Variants in GGA3 observed in about 807,000 individuals in gnomAD.
GGA3 encodes ADP-ribosylation factor-binding protein GGA3.
Under a neutral mutation model 77.5 loss-of-function variants are expected in GGA3, and 57 were observed. That is an observed-to-expected ratio of 0.74 (90% CI 0.59 to 0.92). The LOEUF (loss-of-function observed/expected upper bound fraction) is 0.92, where lower values mean the gene tolerates loss of function less well. GGA3 is among the 40% of genes least tolerant of loss of function. GGA3 has a pLI of 0.00. For synonymous variants in GGA3, 416 were observed against 383.7 expected, an observed-to-expected ratio of 1.08 and a Z score of -0.98; for missense variants, 970 against 914.9, an observed-to-expected ratio of 1.06 and a Z score of -0.78.
intron 13 of GGA3, 26 bp from the exon 14 acceptor site, chr17:75,239,597 A>C (rs369880431): frequency 6.5e-7 from 1 of 1,537,254 alleles, no homozygotes; most frequent in African/African-American, 1.4e-5. Flanking sequence ...GATGGAAAGC[A>C]CGTCAGAGAG....
intron 1 of GGA3, among the ~76,000 whole-genome samples, chr17:75,256,374 TTTG>T (rs1369186640): frequency 1.3e-5 from 2 of 152,168 alleles, no homozygotes; most frequent in African/African-American, 4.8e-5. Flanking sequence ...GTACTCACTC[TTTG>T]TTAAGTCCCA....
chr17:75,251,945 T>C (rs191479440), intron 1 of GGA3, among the ~76,000 whole-genome samples: 7 of 152,106 alleles, frequency 4.6e-5, no homozygotes, highest in Non-Finnish European at 8.8e-5. Context: ...TTTGTACTTT[T>C]GGTAGAGACA....
Position 75,237,970 on chromosome 17 carries a change from G to A in GGA3, c.*309C>T. On this transcript the variant is annotated 3_prime_UTR_variant, in exon 17 of 17. Coordinates refer to ENST00000537686, the MANE Select transcript of GGA3 (RefSeq NM_138619.4). ...CTTCAGTGAATGCCAGTAGAAGGAA[G>A]CAAACACCTACGCCAAGCCTGGGGG... 3 of 1,202,392 alleles carry A rather than the reference G, an allele frequency of 2.5e-6. No individual in the cohort carries two copies. The highest frequency in any genetic ancestry group is 3.1e-6 in the Non-Finnish European group (3 of 971,204). The allele number at this position is 1,202,392 out of a possible 1,614,324, so 74.5% of individuals were successfully genotyped here. A position where few individuals can be genotyped will look rare whatever the true frequency, so the allele number is the denominator to read the frequency against.
chr17:75,241,513 T>TC lies in GGA3; in HGVS notation c.832dup (p.Asp278GlyfsTer7). Reference sequence around the variant, plus strand: ...GAGGTTGTCACTGGCTTGCAGGATGTCCCCTGGAGCAGGAAAGAGAGACTT... The same window carrying TC: ...GAGGTTGTCACTGGCTTGCAGGATGTCCCCCTGGAGCAGGAAAGAGAGACTT... On this transcript the variant is annotated frameshift_variant, in exon 10 of 17. Coordinates refer to ENST00000537686, the MANE Select transcript of GGA3 (RefSeq NM_138619.4). LOFTEE classifies it high-confidence loss of function. 6.2e-7 allele frequency: 1 copy of TC among 1,611,620 alleles called. No homozygotes were observed. Among genetic ancestry groups the TC allele is most frequent in the Non-Finnish European group, 8.5e-7 (1 of 1,177,750 alleles).
At position 75,237,393 on chromosome 17, in the gene GGA3, CA is replaced by C. The variant is rs1455477089; in HGVS notation, c.*885del. 3.2e-6 allele frequency: 4 copies of C among 1,232,014 alleles called. No homozygotes were observed. Among genetic ancestry groups the C allele is most frequent in the Non-Finnish European group, 4.6e-6 (4 of 869,316 alleles). The allele number at this position is 1,232,014 out of a possible 1,614,324, so 76.3% of individuals were successfully genotyped here. A position where few individuals can be genotyped will look rare whatever the true frequency, so the allele number is the denominator to read the frequency against. On this transcript the variant is annotated 3_prime_UTR_variant, in exon 17 of 17. Transcript: ENST00000537686. ...CCATCTGGTGAGAGGAGAGGGAGGCCAAAGCAGTAGGATGTAGAGTGGCGGT... is the reference window on the plus strand; with the variant it reads ...CCATCTGGTGAGAGGAGAGGGAGGCCAAGCAGTAGGATGTAGAGTGGCGGT...
chr17:75,239,264 G>T, intron 14 of GGA3, 111 bp downstream of exon 14: 1 of 1,053,904 alleles, frequency 9.5e-7, no homozygotes, highest in Non-Finnish European at 1.4e-6. Flanking sequence ...GGCCTGCCTG[G>T]CTTTAAGGGA....
chr17:75,261,788 T>A, upstream of GGA3: 2 of 1,236,262 alleles, frequency 1.6e-6, no homozygotes, highest in Non-Finnish European at 2.3e-6. Context: ...AACGTCCAGA[T>A]CAGTGGAGAG....
At chr17:75,253,077 G>A (rs906718165) in intron 1 of GGA3, among the ~76,000 whole-genome samples, 12 of 152,230 alleles carry the variant, frequency 7.9e-5, no homozygotes, top group Middle Eastern at 3.4e-3. Context: ...CTCGGATCGC[G>A]GGACCTCCCT....
intron 13 of GGA3, 96 bp downstream of exon 13, chr17:75,239,693 G>A: frequency 6.7e-7 from 1 of 1,495,746 alleles, no homozygotes; most frequent in Non-Finnish European, 9.3e-7. Flanking sequence ...CTGACTGATG[G>A]GACTACAAGG....
intron 3 of GGA3, among the ~76,000 whole-genome samples, chr17:75,246,305 G>C (rs1424054345): frequency 6.6e-6 from 1 of 152,220 alleles, no homozygotes; most frequent in Non-Finnish European, 1.5e-5. Flanking sequence ...CGGCACTGCA[G>C]TCACCTCTGA....
At chr17:75,261,611 C>A, upstream of GGA3, 2 of 1,535,752 alleles carry the variant, frequency 1.3e-6, no homozygotes, top group South Asian at 1.2e-5. Context: ...GGCCCCGCGG[C>A]TTCAAAACTC....
chr17:75,243,977 C>G (rs961319528), intron 4 of GGA3, among the ~76,000 whole-genome samples: 3 of 152,264 alleles, frequency 2.0e-5, no homozygotes, highest in African/African-American at 7.2e-5. Flanking sequence ...GGTGCTCACC[C>G]CTGCTCTCTG....
At chr17:75,243,221 T>G (rs752783726) in intron 5 of GGA3, 55 bp from the exon 6 acceptor site, 4 of 1,338,422 alleles carry the variant, frequency 3.0e-6, no homozygotes, top group Non-Finnish European at 4.2e-6. Context: ...TTGTCACCCC[T>G]CCTCATACAC....
chr17:75,243,449 T>C lies in GGA3; in HGVS notation c.422A>G (p.Gln141Arg), dbSNP rs1440445130. 6.2e-7 allele frequency: 1 copy of C among 1,614,178 alleles called. No homozygotes were observed. Among genetic ancestry groups the C allele is most frequent in the Admixed American group, 1.7e-5 (1 of 60,024 alleles). The change falls in exon 5 of 17, where the codon CAG becomes CGG. Residue 141 changes from glutamine (Q) to arginine (R), a missense_variant and splice_region_variant. Physicochemically the swap from Gln to Arg is conservative, Grantham distance 43 (BLOSUM62 1). Coordinates refer to ENST00000537686, the MANE Select transcript of GGA3 (RefSeq NM_138619.4). ...IKDAYHMLKRQGIVQSDPPIP... is the reference protein window; with the variant it reads ...IKDAYHMLKRRGIVQSDPPIP... ...GCTGCGGGCAGGCAGACACGTACCCTGTCTCTTCAGCATGTGGTAGGCGTC... is the reference window on the plus strand; with the variant it reads ...GCTGCGGGCAGGCAGACACGTACCCCGTCTCTTCAGCATGTGGTAGGCGTC...
At chr17:75,240,485 A>AG in intron 11 of GGA3, 73 bp from the exon 12 acceptor site, 1 of 976,188 alleles carries the variant, frequency 1.0e-6, no homozygotes, top group East Asian at 2.5e-5. Context: ...TTGCCTGAGG[A>AG]GGGGTCAGGT....
At chr17:75,240,154 G>GGGGGGGGGGGGGGC in intron 12 of GGA3, 46 bp from the exon 13 acceptor site, 4 of 465,496 alleles carry the variant, frequency 8.6e-6, no homozygotes, top group East Asian at 5.6e-5. Context: ...GGTGGGGAGG[G>GGGGGGGGGGGGGGC]CCTGCCGCTG....
In GGA3 at chr17:75,243,121, A is replaced by ATCAG; in HGVS notation, c.466_469dup (p.Ile157ThrfsTer15). 1 of 1,613,256 alleles carries ATCAG rather than the reference A, an allele frequency of 6.2e-7. No homozygotes were observed. The highest frequency in any genetic ancestry group is 8.5e-7 in the Non-Finnish European group (1 of 1,179,690). ...TTTGGGACGAGGTGGTGGAGAGGGG[A>ATCAG]TCAGCGTCCTATCCACAGGAATTGG... On this transcript the variant is annotated frameshift_variant, in exon 6 of 17. Transcript: ENST00000537686. LOFTEE classifies it high-confidence loss of function.
At chr17:75,240,553 A>C (rs1598393160) in intron 11 of GGA3, 141 bp from the exon 12 acceptor site, 1 of 682,536 alleles carries the variant, frequency 1.5e-6, no homozygotes, top group South Asian at 1.8e-5. Context: ...GGCAGCCTCC[A>C]GAGGGGAATG....
rs768776178 is a variant in GGA3, at chr17:75,243,075, C to A, written c.516G>T (p.Glu172Asp). The change falls in exon 6 of 17, where the codon GAG becomes GAT. Residue 172 changes from glutamate to aspartate, a missense_variant. Physicochemically the swap from Glu to Asp is conservative, Grantham distance 45. Transcript: ENST00000537686. ...GGGTGTCCTTTACCTTGGACTTCTC[C>A]TCATCATCAAAAACAGGGTTTTTGG... ...PRPKNPVFDD[E>D]EKSKLLAKLL... is the part of the protein sequence containing the mutation. The A allele has an allele frequency of 1.4e-5, 22 of 1,611,782 alleles. No individual in the cohort carries two copies. The highest frequency in any genetic ancestry group is 1.6e-4 in the Middle Eastern group (1 of 6,076).
Sources: allele counts gnomAD v4.1 joint callset (sites outside exome capture counted in the v4.1 genomes callset), GRCh38; gene constraint gnomAD v4.1.1; transcripts MANE v1.5; gene names NCBI Gene and HGNC (gene_info 2026-07-23, HGNC 2026-07-21).